CACNA1B: variants seen among roughly 807,000 people sequenced by gnomAD.
CACNA1B encodes the protein calcium voltage-gated channel subunit alpha1 B, also known as voltage-dependent N-type calcium channel subunit alpha-1B.
A neutral mutation model predicts 247.2 loss-of-function variants in CACNA1B; 70 were observed. That is an observed-to-expected ratio of 0.28 (90% CI 0.23 to 0.35). The LOEUF (loss-of-function observed/expected upper bound fraction) is 0.35, where lower values mean the gene tolerates loss of function less well. Among genes scored for constraint, CACNA1B ranks in the 10% least tolerant of loss-of-function variants. The pLI, the probability that CACNA1B is intolerant of heterozygous loss-of-function variation, is 1.00. For missense variants in CACNA1B, 2,367 were observed against 3,197.4 expected (o/e 0.74, Z 6.26); for synonymous variants, 1,231 against 1,294.4 (o/e 0.95, Z 1.05).
At chr9:137,910,409 A>T (rs1291832751) in intron 3 of CACNA1B, among the ~76,000 whole-genome samples, 1 of 152,198 alleles carries the variant, frequency 6.6e-6, no homozygotes, top group Non-Finnish European at 1.5e-5. Flanking sequence ...CACTGGGCTC[A>T]TGGAAGACAA....
At chr9:137,910,763 G>T (rs1957351061) in intron 3 of CACNA1B, among the ~76,000 whole-genome samples, 1 of 152,152 alleles carries the variant, frequency 6.6e-6, no homozygotes, top group Non-Finnish European at 1.5e-5. Context: ...AGGCAGTAAT[G>T]CTCGTTCGCC....
intron 3 of CACNA1B, among the ~76,000 whole-genome samples, chr9:137,908,313 C>T (rs1196384962): frequency 3.3e-5 from 5 of 151,956 alleles, no homozygotes; most frequent in Admixed American, 6.5e-5. Flanking sequence ...GTCAGGAGTT[C>T]GAGACCAGCC....
rs536120454 is a variant in CACNA1B at position 137,928,288 on chromosome 9, G to A, written c.966+10857G>A. Among the ~76,000 whole-genome samples the A allele has an allele frequency of 8.5e-5, 13 of 152,280 alleles. No individual in the cohort carries two copies. The South Asian group carries it at 1.0e-3, about 12-fold the overall frequency. ...AATTTTTTGTATTTTAGTAGAGACAGTGTTTCACCATGTTGGCCTGGATGG... is the reference window on the plus strand; with the variant it reads ...AATTTTTTGTATTTTAGTAGAGACAATGTTTCACCATGTTGGCCTGGATGG... On this transcript the variant is annotated intron_variant, in intron 6 of 46. Coordinates refer to ENST00000371372, the MANE Select transcript of CACNA1B (RefSeq NM_000718.4).
chr9:138,004,265 A>T (rs941320752), intron 15 of CACNA1B, among the ~76,000 whole-genome samples: 1 of 152,002 alleles, frequency 6.6e-6, no homozygotes, highest in Non-Finnish European at 1.5e-5. Context: ...CAACATGGAG[A>T]GCCGGGTGCA....
Position 137,973,582 on chromosome 9 carries a change from C to A in CACNA1B, c.1543+1990C>A, listed in dbSNP as rs1338195632. Among the ~76,000 whole-genome samples, 2 of 152,216 alleles carry A rather than the reference C, an allele frequency of 1.3e-5. No individual in the cohort carries two copies. Among genetic ancestry groups the A allele is most frequent in the Non-Finnish European group, 2.9e-5 (2 of 68,034 alleles). On this transcript the variant is annotated intron_variant, in intron 11 of 46. Transcript: ENST00000371372. The surrounding 1 kb of genome is among the most constrained non-coding windows in gnomAD (Gnocchi z 4.1). ...GACTTGCTCACCCTCCCTCTGCTCC[C>A]ATAGCACACCATCCTCTTGGAAGAC...
At chr9:138,000,781 A>G (rs754341995) in intron 15 of CACNA1B, among the ~76,000 whole-genome samples, 25 of 152,212 alleles carry the variant, frequency 1.6e-4, no homozygotes, top group Non-Finnish European at 2.8e-4. Context: ...CACGGCAGGT[A>G]CGCTAATGTC....
At position 138,112,385 on chromosome 9, in the gene CACNA1B, C is replaced by T. The variant is rs772894388; in HGVS notation, c.5429-13C>T. On this transcript the variant is annotated splice_polypyrimidine_tract_variant and intron_variant, in intron 39 of 46. Transcript: ENST00000371372. ...TCTGTCTTTTCCCCTTCCCCACCAT[C>T]ATCCTGGTGCAGCTGGGACAAAGCA... 2 of 1,597,754 alleles carry T rather than the reference C, an allele frequency of 1.3e-6. No homozygotes were observed. Among genetic ancestry groups the T allele is most frequent in the African/African-American group, 1.3e-5 (1 of 74,644 alleles).
In CACNA1B at chr9:138,049,214, C is replaced by T. The variant is rs200420514; in HGVS notation, c.3609C>T (p.Ile1203=). The T allele has an allele frequency of 3.1e-5, 50 of 1,604,838 alleles. No individual in the cohort carries two copies. In the South Asian group the frequency reaches 3.8e-4, roughly 12 times the overall value. Residue 1203 remains isoleucine, a synonymous_variant, in exon 24 of 47, where the codon ATC becomes ATT. Transcript: ENST00000371372. ...VFTFEMVIKM[I]DLGLLLHPGA... Reference sequence around the variant, plus strand: ...CGTGTGTTTCTCCCTCCTAGATGATCGACTTGGGACTGCTGCTTCACCCTG... The same window carrying T: ...CGTGTGTTTCTCCCTCCTAGATGATTGACTTGGGACTGCTGCTTCACCCTG...
At chr9:138,021,688 T>TG (rs2133435286) in intron 18 of CACNA1B, among the ~76,000 whole-genome samples, 1 of 152,386 alleles carries the variant, frequency 6.6e-6, no homozygotes, top group Non-Finnish European at 1.5e-5. Context: ...TGACTCACTG[T>TG]GGGACCCTGA....
At chr9:137,923,939 G>T (rs1374348369) in intron 6 of CACNA1B, among the ~76,000 whole-genome samples, 1 of 152,172 alleles carries the variant, frequency 6.6e-6, no homozygotes, top group African/African-American at 2.4e-5. Context: ...TGTATCTTTG[G>T]TGAAACGTCT....
chr9:137,949,128 G>T (rs1564203224), intron 6 of CACNA1B, among the ~76,000 whole-genome samples: 38 of 762 alleles, frequency 0.05, no homozygotes, highest in South Asian at 0.056. Flanking sequence ...TCCAGTGTGT[G>T]TGTGTGTGGT....
At chr9:137,906,246 T>G (rs1257047741) in intron 3 of CACNA1B, among the ~76,000 whole-genome samples, 1 of 152,262 alleles carries the variant, frequency 6.6e-6, no homozygotes, top group Non-Finnish European at 1.5e-5. Flanking sequence ...CTGTCTTTCA[T>G]GTCTTTGGCT....
intron 11 of CACNA1B, among the ~76,000 whole-genome samples, chr9:137,972,350 C>T (rs1958163314): frequency 6.6e-6 from 1 of 152,210 alleles, no homozygotes; most frequent in African/African-American, 2.4e-5. Context: ...GTCAGCTGCA[C>T]TCACCCTGCT....
In CACNA1B at chr9:138,115,638, T is replaced by C. The variant is rs373683016; in HGVS notation, c.5736T>C (p.Leu1912=). 3.1e-6 allele frequency: 5 copies of C among 1,613,604 alleles called. No individual in the cohort carries two copies. The highest frequency in any genetic ancestry group is 4.2e-6 in the Non-Finnish European group (5 of 1,179,812). ...PAVLRGARVF[L]RQKSSTSLSN... is the part of the protein sequence containing the mutation. ...TGCTCCGAGGAGCCCGGGTTTTCCT[T>C]CGACAGAAGAGTTCCACCTCCCTCA... The change falls in exon 42 of 47, where the codon CTT becomes CTC. Residue 1912 remains leucine, a synonymous_variant. Coordinates refer to ENST00000371372, the MANE Select transcript of CACNA1B (RefSeq NM_000718.4).
Position 138,035,326 on chromosome 9 carries a change from A to T in CACNA1B, c.3287-8448A>T, listed in dbSNP as rs558432618. ...GTACAAAAATTAGCTGGGTGTGGTGATGGGTGCCTGTAATCCTAGCAACTT... is the reference window on the plus strand; with the variant it reads ...GTACAAAAATTAGCTGGGTGTGGTGTTGGGTGCCTGTAATCCTAGCAACTT... On this transcript the variant is annotated intron_variant, in intron 20 of 46. Transcript: ENST00000371372. Among the ~76,000 whole-genome samples, 7 of 152,164 alleles carry T rather than the reference A, an allele frequency of 4.6e-5. No individual in the cohort carries two copies. In the South Asian group the frequency reaches 1.5e-3, roughly 32 times the overall value.
At chr9:138,016,735 G>A (rs988679080) in intron 18 of CACNA1B, among the ~76,000 whole-genome samples, 1 of 152,196 alleles carries the variant, frequency 6.6e-6, no homozygotes, top group Admixed American at 6.5e-5. Context: ...CCCATCTTGA[G>A]GGCCGGGAGA....
intron 6 of CACNA1B, among the ~76,000 whole-genome samples, chr9:137,947,424 C>G (rs1957809467): frequency 6.6e-6 from 1 of 152,068 alleles, no homozygotes; most frequent in Non-Finnish European, 1.5e-5. Context: ...GCCTCCAGAC[C>G]CTATTCTTCT....
chr9:138,073,680 C>T lies in CACNA1B; in HGVS notation c.4791+76C>T, dbSNP rs889075089. 5.7e-6 allele frequency: 5 copies of T among 876,152 alleles called. No individual in the cohort carries two copies. The highest frequency in any genetic ancestry group is 1.6e-5 in the African/African-American group (1 of 60,610). The allele number at this position is 876,152 out of a possible 1,614,324, so 54.3% of individuals were successfully genotyped here. ...CTTCCCCTGCCCCCACCACAGTGGC[C>T]CCTCCTTTGGGAGGCTGGGAGAGGG... On this transcript the variant is annotated intron_variant, in intron 33 of 46. Transcript: ENST00000371372. The surrounding 1 kb of genome is among the most constrained non-coding windows in gnomAD (Gnocchi z 6.4).
At chr9:137,943,127 A>G (rs564291077) in intron 6 of CACNA1B, among the ~76,000 whole-genome samples, 3 of 150,902 alleles carry the variant, frequency 2.0e-5, no homozygotes, top group South Asian at 2.1e-4. Context: ...GTATTTCACT[A>G]AAGTGGCTGT....
Sources: allele counts gnomAD v4.1 joint callset (sites outside exome capture counted in the v4.1 genomes callset), GRCh38; gene constraint gnomAD v4.1.1; non-coding constraint Gnocchi (gnomAD v3.1); transcripts MANE v1.5; gene names NCBI Gene and HGNC (gene_info 2026-07-23, HGNC 2026-07-21).